CRISPLD1: variants seen among roughly 807,000 people sequenced by gnomAD.
CRISPLD1 encodes the protein cysteine-rich secretory protein LCCL domain-containing 1.
In CRISPLD1, 60 loss-of-function variants were observed where a neutral mutation model predicts 77.5. That is an observed-to-expected ratio of 0.77 (90% CI 0.63 to 0.96). CRISPLD1 has a LOEUF of 0.96. Among genes scored for constraint, CRISPLD1 ranks in the 40% least tolerant of loss-of-function variants. The pLI is 0.00. For synonymous variants in CRISPLD1, 195 were observed against 200.1 expected (o/e 0.97, Z 0.22); for missense variants, 623 against 615.8 (o/e 1.01, Z -0.12).
chr8:75,012,888 A>G lies in CRISPLD1; in HGVS notation c.378-2A>G. On this transcript the variant is annotated splice_acceptor_variant, in intron 3 of 14. Coordinates refer to ENST00000262207, the MANE Select transcript of CRISPLD1 (RefSeq NM_031461.6). LOFTEE classifies it high-confidence loss of function. ...CCTCTGTGACTATTTTCTTTCTAATAGATATAGGCCCCCGACGTTTCATGT... is the reference window on the plus strand; with the variant it reads ...CCTCTGTGACTATTTTCTTTCTAATGGATATAGGCCCCCGACGTTTCATGT... The G allele has an allele frequency of 6.2e-7, 1 of 1,603,956 alleles. No individual in the cohort carries two copies. The highest frequency in any genetic ancestry group is 8.5e-7 in the Non-Finnish European group (1 of 1,174,932).
intron 2 of CRISPLD1, among the ~76,000 whole-genome samples, chr8:74,999,572 T>C (rs1812702858): frequency 6.6e-6 from 1 of 152,142 alleles, no homozygotes; most frequent in African/African-American, 2.4e-5. Flanking sequence ...CCCCAGGTGA[T>C]GTGGTGGCCG....
rs1291758919 is a variant in CRISPLD1 at position 75,014,252 on chromosome 8, G to A, written c.626+150G>A. The A allele has an allele frequency of 6.6e-6, 4 of 605,772 alleles. No individual in the cohort carries two copies. The East Asian group carries it at 1.2e-4, about 18-fold the overall frequency. 37.5% of individuals were successfully genotyped at this position (605,772 alleles called of 1,614,324 possible). A position where few individuals can be genotyped will look rare whatever the true frequency, so the allele number is the denominator to read the frequency against. On this transcript the variant is annotated intron_variant, in intron 5 of 14. Coordinates refer to ENST00000262207, the MANE Select transcript of CRISPLD1 (RefSeq NM_031461.6). The stretch of plus-strand genomic sequence containing the variant: ...ATTTAATATGGCAACAATTGTAGTT[G>A]CCTAATGCATAAAATAAATGCATAA...
chr8:74,998,517 G>A (rs991356877), intron 2 of CRISPLD1, among the ~76,000 whole-genome samples: 10 of 151,484 alleles, frequency 6.6e-5, no homozygotes, highest in Non-Finnish European at 1.2e-4. Context: ...GTGAAATGCC[G>A]TCTCTATTAA....
intron 2 of CRISPLD1, among the ~76,000 whole-genome samples, chr8:74,998,021 T>A (rs7004616): frequency 0.11 from 16,924 of 152,158 alleles, 1,032 homozygotes; most frequent in African/African-American, 0.13. Flanking sequence ...AGCTTTTGCT[T>A]TTTTGTTTTT....
rs1399611349 is a variant in CRISPLD1 at position 75,032,216 on chromosome 8, G to A, written c.1477G>A (p.Ala493Thr). Residue 493 changes from alanine (A) to threonine (T), a missense_variant, in exon 15 of 15, where the codon GCA becomes ACA. Transcript: ENST00000262207. ...ESLQNPPGGK[A>T]FRVFAVV Reference sequence around the variant, plus strand: ...TTTACAGAATCCTCCAGGAGGAAAGGCATTCAGAGTGTTTGCTGTTGTGTG... The same window carrying A: ...TTTACAGAATCCTCCAGGAGGAAAGACATTCAGAGTGTTTGCTGTTGTGTG... 2.5e-6 allele frequency: 4 copies of A among 1,608,052 alleles called. No homozygotes were observed. In the South Asian group the frequency reaches 3.3e-5, roughly 13 times the overall value.
chr8:75,030,426 A>G (rs1157930859), intron 14 of CRISPLD1, among the ~76,000 whole-genome samples: 1 of 152,134 alleles, frequency 6.6e-6, no homozygotes, highest in Non-Finnish European at 1.5e-5. Context: ...AATATATAAA[A>G]TGGATCTTTG....
intron 12 of CRISPLD1, among the ~76,000 whole-genome samples, chr8:75,023,757 A>G (rs1294767030): frequency 6.6e-6 from 1 of 150,900 alleles, no homozygotes; most frequent in Non-Finnish European, 1.5e-5. Context: ...TGTGTTTTCC[A>G]GTTTTAGTTT....
chr8:75,016,750 T>C (rs1813036477), intron 7 of CRISPLD1, 45 bp downstream of exon 7: 2 of 1,573,794 alleles, frequency 1.3e-6, no homozygotes, highest in Admixed American at 1.9e-5. Flanking sequence ...AGTACATAAA[T>C]GGTATATCCA....
chr8:75,028,472 A>G (rs1395375185), intron 13 of CRISPLD1, among the ~76,000 whole-genome samples: 2 of 152,228 alleles, frequency 1.3e-5, no homozygotes, highest in African/African-American at 4.8e-5. Flanking sequence ...ATACTGAAAC[A>G]GTTCAAATAT....
At chr8:74,985,258 C>T (rs1360484399) in intron 1 of CRISPLD1, among the ~76,000 whole-genome samples, 1 of 152,146 alleles carries the variant, frequency 6.6e-6, no homozygotes, top group Non-Finnish European at 1.5e-5. Flanking sequence ...ACAGATTAGT[C>T]ACAGACTTTC....
chr8:75,013,848 C>T (rs945430418), intron 4 of CRISPLD1, 139 bp from the exon 5 acceptor site: 5 of 602,576 alleles, frequency 8.3e-6, no homozygotes, highest in Non-Finnish European at 1.5e-5. Flanking sequence ...GAAAAAGACC[C>T]TTTTTGATTT....
At chr8:74,997,522 G>A (rs538397973) in intron 2 of CRISPLD1, among the ~76,000 whole-genome samples, 56 of 152,286 alleles carry the variant, frequency 3.7e-4, no homozygotes, top group African/African-American at 1.2e-3. Context: ...TGAGTGGTGG[G>A]ACACAGGTAA....
chr8:75,006,520 G>T (rs1311604036), intron 2 of CRISPLD1, among the ~76,000 whole-genome samples: 1 of 151,952 alleles, frequency 6.6e-6, no homozygotes, highest in Non-Finnish European at 1.5e-5. Flanking sequence ...ATCCAGTTTG[G>T]TGAAAGTTTC....
intron 12 of CRISPLD1, among the ~76,000 whole-genome samples, chr8:75,021,804 CAT>C (rs1241270974): frequency 6.6e-6 from 1 of 151,976 alleles, no homozygotes; most frequent in African/African-American, 2.4e-5. Flanking sequence ...ATTTTAGCAT[CAT>C]AATATGTGAA....
At chr8:74,985,652 T>G (rs1215078226) in intron 1 of CRISPLD1, among the ~76,000 whole-genome samples, 1 of 152,068 alleles carries the variant, frequency 6.6e-6, no homozygotes, top group Non-Finnish European at 1.5e-5. Context: ...GCTTTGACTC[T>G]TCTAGGCTAC....
At chr8:75,022,523 G>A (rs1813154041) in intron 12 of CRISPLD1, among the ~76,000 whole-genome samples, 1 of 151,288 alleles carries the variant, frequency 6.6e-6, no homozygotes. Flanking sequence ...GGGAGGCCGA[G>A]CTTGCAGTGA....
chr8:75,010,918 C>A (rs1453993460), intron 2 of CRISPLD1, among the ~76,000 whole-genome samples: 1 of 152,002 alleles, frequency 6.6e-6, no homozygotes, highest in African/African-American at 2.4e-5. Flanking sequence ...CTGCTCTCTA[C>A]TTGGCATATG....
intron 2 of CRISPLD1, among the ~76,000 whole-genome samples, chr8:74,998,794 T>C (rs1293584245): frequency 1.3e-5 from 2 of 151,670 alleles, no homozygotes; most frequent in Admixed American, 1.3e-4. Context: ...AAAGTAGTGG[T>C]TTCTTCTCTG....
rs182293664 is a variant in CRISPLD1, at chr8:75,006,139, C to T, written c.259-6294C>T. ...CTCTGTATGTCCATGCATGTGCCCA[C>T]TGTTTAACCCCCACTTATAAGTGAG... On this transcript the variant is annotated intron_variant, in intron 2 of 14. Transcript: ENST00000262207. 7.2e-5 allele frequency among the ~76,000 whole-genome samples: 11 copies of T among 152,234 alleles called. 1 individual carries two copies. The highest frequency in any genetic ancestry group is 2.2e-4 in the African/African-American group (9 of 41,548).
Sources: gnomAD v4.1 joint callset for allele counts (sites outside exome capture counted in the v4.1 genomes callset) on GRCh38, gnomAD v4.1.1 for gene constraint, MANE v1.5 for transcripts, NCBI Gene and HGNC (gene_info 2026-07-23, HGNC 2026-07-21) for gene names.